Variants in THSD7B observed in about 807,000 individuals in gnomAD.
THSD7B encodes the protein thrombospondin type 1 domain containing 7B.
A neutral mutation model predicts 213.6 loss-of-function variants in THSD7B; 138 were observed. The ratio of observed to expected loss-of-function variants is 0.65; its 90% CI spans 0.56 to 0.74. The LOEUF (loss-of-function observed/expected upper bound fraction) is 0.74, where lower values mean the gene tolerates loss of function less well. THSD7B is among the 30% of genes least tolerant of loss of function. The pLI is 0.00. For synonymous variants in THSD7B, 742 were observed against 687.0 expected (o/e 1.08, Z -1.25); for missense variants, 1,931 against 1,991.5 (o/e 0.97, Z 0.58).
intron 12 of THSD7B, among the ~76,000 whole-genome samples, chr2:137,315,730 A>C (rs1055969231): frequency 6.6e-6 from 1 of 152,180 alleles, no homozygotes; most frequent in African/African-American, 2.4e-5. Context: ...TAGGAGGGGA[A>C]TTGCAGTAGA....
chr2:137,384,648 C>CCA (rs1192633795), intron 12 of THSD7B, among the ~76,000 whole-genome samples: 2 of 152,140 alleles, frequency 1.3e-5, no homozygotes, highest in Non-Finnish European at 2.9e-5. Context: ...TACAGGGGCC[C>CCA]CACTCCAAAC....
chr2:136,941,491 A>C (rs1490907886), intron 2 of THSD7B, among the ~76,000 whole-genome samples: 1 of 152,140 alleles, frequency 6.6e-6, no homozygotes, highest in South Asian at 2.1e-4. Context: ...AAGCATTACT[A>C]TTTCTCCACA....
Position 137,133,551 on chromosome 2 carries a change from C to A in THSD7B, c.1369+18258C>A, listed in dbSNP as rs143013013. Among the ~76,000 whole-genome samples the A allele has an allele frequency of 2.4e-3, 361 of 151,926 alleles. 2 individuals carry two copies. The highest frequency in any genetic ancestry group is 8.2e-3 in the African/African-American group (341 of 41,424). On this transcript the variant is annotated intron_variant, in intron 5 of 27. Transcript: ENST00000409968. The stretch of plus-strand genomic sequence containing the variant: ...ATAAAGTTGGCGTGGGAGTGGGATC[C>A]TGCATTTCTAGTAAGTTCCCTGGAG...
chr2:137,518,462 G>A (rs918446406), intron 15 of THSD7B, among the ~76,000 whole-genome samples: 2 of 152,306 alleles, frequency 1.3e-5, no homozygotes, highest in Admixed American at 6.5e-5. Flanking sequence ...TGGTTTGGCC[G>A]GTTGGTCAGG....
intron 2 of THSD7B, among the ~76,000 whole-genome samples, chr2:136,951,389 G>T (rs1573729699): frequency 6.6e-6 from 1 of 152,054 alleles, no homozygotes; most frequent in East Asian, 1.9e-4. Flanking sequence ...ACTATAATTT[G>T]AATGTAGCAA....
chr2:137,484,098 C>T (rs1434910252), intron 15 of THSD7B, among the ~76,000 whole-genome samples: 1 of 151,436 alleles, frequency 6.6e-6, no homozygotes, highest in Non-Finnish European at 1.5e-5. Flanking sequence ...TATACATGTG[C>T]CATGCTGGTG....
intron 2 of THSD7B, among the ~76,000 whole-genome samples, chr2:136,947,310 A>T (rs1430275505): frequency 1.3e-5 from 2 of 152,198 alleles, no homozygotes; most frequent in African/African-American, 4.8e-5. Context: ...TATTTGGTTA[A>T]TTGAGATATT....
intron 14 of THSD7B, among the ~76,000 whole-genome samples, chr2:137,416,335 T>C (rs55717472): frequency 6.6e-6 from 1 of 152,156 alleles, no homozygotes; most frequent in Admixed American, 6.5e-5. Flanking sequence ...TCCATGAGGA[T>C]GTACTTCACC....
At chr2:137,252,057 G>T (rs1473644030) in intron 10 of THSD7B, among the ~76,000 whole-genome samples, 1 of 152,008 alleles carries the variant, frequency 6.6e-6, no homozygotes, top group Admixed American at 6.6e-5. Flanking sequence ...CATGAGGTCA[G>T]GAGTTCGAGA....
chr2:137,461,221 C>T (rs1687877672), intron 15 of THSD7B, among the ~76,000 whole-genome samples: 1 of 151,994 alleles, frequency 6.6e-6, no homozygotes, highest in Non-Finnish European at 1.5e-5. Flanking sequence ...CATTTCTATT[C>T]AGTACATGCC....
chr2:137,397,516 G>C (rs1050871001), intron 12 of THSD7B, among the ~76,000 whole-genome samples: 1 of 151,674 alleles, frequency 6.6e-6, no homozygotes, highest in African/African-American at 2.4e-5. Flanking sequence ...GGCTTGTAGG[G>C]TTTCTGCCAA....
chr2:136,893,864 T>G (rs1683906976), intron 2 of THSD7B, among the ~76,000 whole-genome samples: 1 of 152,224 alleles, frequency 6.6e-6, no homozygotes, highest in South Asian at 2.1e-4. Flanking sequence ...TCATACTTAT[T>G]ACCTTATTCT....
chr2:137,613,277 A>G (rs1467118845), intron 17 of THSD7B, among the ~76,000 whole-genome samples: 1 of 152,074 alleles, frequency 6.6e-6, no homozygotes, highest in African/African-American at 2.4e-5. Context: ...ATATTCCTTT[A>G]TCCTTGAATT....
intron 2 of THSD7B, among the ~76,000 whole-genome samples, chr2:136,930,391 G>A (rs1684606781): frequency 6.6e-6 from 1 of 152,200 alleles, no homozygotes; most frequent in East Asian, 1.9e-4. Flanking sequence ...CAGAAGAATG[G>A]TTCATGCGAA....
intron 1 of THSD7B, among the ~76,000 whole-genome samples, chr2:136,862,525 G>A (rs1683271376): frequency 6.6e-6 from 1 of 152,126 alleles, no homozygotes; most frequent in Non-Finnish European, 1.5e-5. Flanking sequence ...AAAATAATAA[G>A]GCAGGATGTT....
intron 3 of THSD7B, among the ~76,000 whole-genome samples, chr2:137,081,911 A>G (rs1466236232): frequency 6.6e-6 from 1 of 152,030 alleles, no homozygotes; most frequent in Non-Finnish European, 1.5e-5. Flanking sequence ...AAAGGGCGGT[A>G]TCTTGTTCTG....
intron 15 of THSD7B, among the ~76,000 whole-genome samples, chr2:137,509,467 CA>C (rs1457541319): frequency 5.9e-5 from 9 of 151,846 alleles, no homozygotes; most frequent in African/African-American, 2.2e-4. Flanking sequence ...TTATCTTAAA[CA>C]TTTTTTTCTC....
intron 7 of THSD7B, among the ~76,000 whole-genome samples, chr2:137,205,142 T>G (rs1680955128): frequency 6.6e-6 from 1 of 152,118 alleles, no homozygotes; most frequent in African/African-American, 2.4e-5. Flanking sequence ...AGAATGCTTC[T>G]GAATACCATT....
At chr2:137,141,450 G>C (rs1679582400) in intron 5 of THSD7B, among the ~76,000 whole-genome samples, 1 of 151,542 alleles carries the variant, frequency 6.6e-6, no homozygotes, top group African/African-American at 2.4e-5. Flanking sequence ...AATCTGCACA[G>C]ATGATAAAAT....
Sources: gnomAD v4.1 joint callset for allele counts (sites outside exome capture counted in the v4.1 genomes callset) on GRCh38, gnomAD v4.1.1 for gene constraint, MANE v1.5 for transcripts, NCBI Gene and HGNC (gene_info 2026-07-23, HGNC 2026-07-21) for gene names.